Variants in ASB7 observed in about 807,000 individuals in gnomAD.
ASB7 encodes ankyrin repeat and SOCS box containing 7, also known as ankyrin repeat and SOCS box protein 7.
In ASB7, 4 loss-of-function variants were observed where a neutral mutation model predicts 32.5. The observed-to-expected ratio is 0.12, with a 90% CI of 0.06 to 0.28. The LOEUF (loss-of-function observed/expected upper bound fraction) is 0.28, where lower values mean the gene tolerates loss of function less well. Among genes scored for constraint, ASB7 ranks in the 10% least tolerant of loss-of-function variants. The pLI is 1.00. For synonymous variants in ASB7, 172 were observed against 155.6 expected (o/e 1.11, Z -0.78); for missense variants, 181 against 407.1 (o/e 0.44, Z 4.78).
rs1018403957 is a variant in ASB7, at chr15:100,626,009, T to C, written c.212-3428T>C. On this transcript the variant is annotated intron_variant, in intron 4 of 5. Transcript: ENST00000332783. ...CGTTATACCACACAGAAAAATTAAT[T>C]ATGGGCTATTGATCTAAATGTGAGA... Among the ~76,000 whole-genome samples the C allele has an allele frequency of 7.9e-5, 12 of 152,270 alleles. No individual in the cohort carries two copies. In the South Asian group the frequency reaches 2.5e-3, roughly 32 times the overall value.
chr15:100,608,023 A>G (rs773626535), intron 2 of ASB7, among the ~76,000 whole-genome samples: 4 of 152,196 alleles, frequency 2.6e-5, no homozygotes, highest in South Asian at 2.1e-4. Context: ...AGGATTCTTC[A>G]GGCTTGAAGC....
rs528797596 is a variant in ASB7 at position 100,651,640 on chromosome 15, C to A, written c.*3178C>A. On this transcript the variant is annotated 3_prime_UTR_variant, in exon 6 of 6. Coordinates refer to ENST00000332783, the MANE Select transcript of ASB7 (RefSeq NM_198243.3). The stretch of plus-strand genomic sequence containing the variant: ...TATATCATAATGTATTTTGTTCTTC[C>A]TTTTTAATGTAAGTTTTGCTTTGGG... 1 of 152,202 alleles carries A rather than the reference C, an allele frequency of 6.6e-6. No homozygotes were observed. Among genetic ancestry groups the A allele is most frequent in the South Asian group, 2.1e-4 (1 of 4,822 alleles). The allele number at this position is 152,202 out of a possible 1,614,324, so 9.4% of individuals were successfully genotyped here.
At chr15:100,610,093 G>C (rs1354413361) in intron 3 of ASB7, among the ~76,000 whole-genome samples, 1 of 152,190 alleles carries the variant, frequency 6.6e-6, no homozygotes, top group Non-Finnish European at 1.5e-5. Context: ...ACGGTCTTCA[G>C]CATTTTCTCT....
chr15:100,613,365 G>T (rs552894386), intron 4 of ASB7, among the ~76,000 whole-genome samples: 2 of 152,340 alleles, frequency 1.3e-5, no homozygotes, highest in African/African-American at 4.8e-5. Context: ...GTGAATATAT[G>T]AATACAAAGG....
At chr15:100,618,219 C>T (rs1309170829) in intron 4 of ASB7, among the ~76,000 whole-genome samples, 18 of 152,228 alleles carry the variant, frequency 1.2e-4, no homozygotes, top group Admixed American at 9.2e-4. Flanking sequence ...CAGGTTCAAG[C>T]GATTCTCCTG....
chr15:100,613,737 C>G (rs1218610751), intron 4 of ASB7, among the ~76,000 whole-genome samples: 1 of 152,198 alleles, frequency 6.6e-6, no homozygotes, highest in Non-Finnish European at 1.5e-5. Context: ...TTGCTTTTCA[C>G]TTCTGCCAGC....
intron 5 of ASB7, among the ~76,000 whole-genome samples, chr15:100,643,635 G>T (rs963025539): frequency 6.6e-6 from 1 of 151,384 alleles, no homozygotes; most frequent in Non-Finnish European, 1.5e-5. Context: ...GATTACAGGT[G>T]CCCGCCACCA....
At chr15:100,644,756 C>T (rs530409728) in intron 5 of ASB7, among the ~76,000 whole-genome samples, 1 of 152,256 alleles carries the variant, frequency 6.6e-6, no homozygotes, top group South Asian at 2.1e-4. Context: ...GACATAGTCT[C>T]CTGTGATGAA....
intron 5 of ASB7, among the ~76,000 whole-genome samples, chr15:100,640,495 G>A (rs1401388216): frequency 1.3e-5 from 2 of 152,038 alleles, no homozygotes; most frequent in East Asian, 1.9e-4. Context: ...GGTATTGGGC[G>A]GCCATCCCAG....
Position 100,602,651 on chromosome 15 carries a change from GC to G in ASB7, c.-663del. On this transcript the variant is annotated 5_prime_UTR_variant, in exon 1 of 6. Coordinates refer to ENST00000332783, the MANE Select transcript of ASB7 (RefSeq NM_198243.3). ...GCCCAGTGCAAAGTGCATCCCGAAA[GC>G]CCCCTGTCCGGAGACCCCACGGCTG... 1 of 253,626 alleles carries G rather than the reference GC, an allele frequency of 3.9e-6. No individual in the cohort carries two copies. The allele number at this position is 253,626 out of a possible 1,614,324, so 15.7% of individuals were successfully genotyped here.
At chr15:100,606,029 T>C (rs1256542919) in intron 2 of ASB7, among the ~76,000 whole-genome samples, 1 of 152,220 alleles carries the variant, frequency 6.6e-6, no homozygotes, top group African/African-American at 2.4e-5. Flanking sequence ...TGAGTGACAC[T>C]AAAATAACAC....
In ASB7 at chr15:100,634,473, C is replaced by T. The variant is rs181138071; in HGVS notation, c.817+4431C>T. Among the ~76,000 whole-genome samples the T allele has an allele frequency of 1.2e-4, 18 of 152,170 alleles. No homozygotes were observed. In the South Asian group the frequency reaches 1.5e-3, roughly 12 times the overall value. ...CTGGCAAGGTAAGTACTGTTCTCACCGAGCCACTTCTGCAGGTGAAAGGAA... is the reference window on the plus strand; with the variant it reads ...CTGGCAAGGTAAGTACTGTTCTCACTGAGCCACTTCTGCAGGTGAAAGGAA... On this transcript the variant is annotated intron_variant, in intron 5 of 5. Transcript: ENST00000332783.
chr15:100,649,544 G>A lies in ASB7; in HGVS notation c.*1082G>A, dbSNP rs749767312. On this transcript the variant is annotated 3_prime_UTR_variant, in exon 6 of 6. Transcript: ENST00000332783. ...AGTTTAAAAAAAAAACTTTTTAAGCGTAAAATCTTTAAGGGGTACACATTT... is the reference window on the plus strand; with the variant it reads ...AGTTTAAAAAAAAAACTTTTTAAGCATAAAATCTTTAAGGGGTACACATTT... 7.9e-5 allele frequency: 12 copies of A among 152,046 alleles called. No individual in the cohort carries two copies. The highest frequency in any genetic ancestry group is 6.2e-4 in the South Asian group (3 of 4,824). 9.4% of individuals were successfully genotyped at this position (152,046 alleles called of 1,614,324 possible). A position where few individuals can be genotyped will look rare whatever the true frequency, so the allele number is the denominator to read the frequency against.
Position 100,629,609 on chromosome 15 carries a change from C to A in ASB7, c.384C>A (p.Gly128=). 1.2e-6 allele frequency: 2 copies of A among 1,614,186 alleles called. No individual in the cohort carries two copies. Among genetic ancestry groups the A allele is most frequent in the Non-Finnish European group, 1.7e-6 (2 of 1,180,036 alleles). Residue 128 remains glycine (G), a synonymous_variant, in exon 5 of 6, where the codon GGC becomes GGA. Coordinates refer to ENST00000332783, the MANE Select transcript of ASB7 (RefSeq NM_198243.3). The surrounding 1 kb of genome is among the most constrained non-coding windows in gnomAD (Gnocchi z 6.8). The stretch of plus-strand genomic sequence containing the variant: ...CCCTCCATGTGGCTGCCCACTACGG[C>A]AGGGACTCATTTGTCCGGCTCCTCC... ...WTPLHVAAHY[G]RDSFVRLLLE...
At chr15:100,612,827 A>G (rs2039708927) in intron 4 of ASB7, among the ~76,000 whole-genome samples, 1 of 152,218 alleles carries the variant, frequency 6.6e-6, no homozygotes, top group Non-Finnish European at 1.5e-5. Context: ...TCCTTTAAAC[A>G]TCATGGCCTA....
chr15:100,606,810 A>G (rs569696856), intron 2 of ASB7, among the ~76,000 whole-genome samples: 1 of 152,190 alleles, frequency 6.6e-6, no homozygotes, highest in South Asian at 2.1e-4. Context: ...CCCTCAGAGT[A>G]TCAGTAGCTC....
chr15:100,606,130 G>A (rs1215024755), intron 2 of ASB7, among the ~76,000 whole-genome samples: 1 of 152,040 alleles, frequency 6.6e-6, no homozygotes, highest in Admixed American at 6.5e-5. Context: ...TGGTACGGCC[G>A]TGTAGTGTTT....
At chr15:100,611,679 T>A (rs4965323) in intron 3 of ASB7, among the ~76,000 whole-genome samples, 2 of 151,248 alleles carry the variant, frequency 1.3e-5, no homozygotes, top group African/African-American at 4.9e-5. Context: ...AGGGTTTCAC[T>A]ATGTTGGCCA....
At chr15:100,611,484 C>CTTTTTTTTTTTTTTTTTTTTTT (rs61153969) in intron 3 of ASB7, among the ~76,000 whole-genome samples, 1,383 of 77,032 alleles carry the variant, frequency 0.018, 391 homozygotes, top group East Asian at 0.051. Flanking sequence ...TGTTTCGATT[C>CTTTTTTTTTTTTTTTTTTTTTT]TTTTTTTTTT....
Sources: allele counts gnomAD v4.1 joint callset (sites outside exome capture counted in the v4.1 genomes callset), GRCh38; gene constraint gnomAD v4.1.1; non-coding constraint Gnocchi (gnomAD v3.1); transcripts MANE v1.5; gene names NCBI Gene and HGNC (gene_info 2026-07-23, HGNC 2026-07-21).